Variants in WDR27 observed in about 807,000 individuals in gnomAD.
WDR27 encodes the protein WD repeat domain 27.
A neutral mutation model predicts 114.4 loss-of-function variants in WDR27; 100 were observed. That is an observed-to-expected ratio of 0.87 (90% CI 0.74 to 1.03). The LOEUF (loss-of-function observed/expected upper bound fraction) is 1.03. Among genes scored for constraint, WDR27 ranks in the 50% least tolerant of loss-of-function variants. WDR27 has a pLI of 0.00. For missense variants in WDR27, 1,129 were observed against 1,092.9 expected, an observed-to-expected ratio of 1.03 and a Z score of -0.47; for synonymous variants, 449 against 423.1, an observed-to-expected ratio of 1.06 and a Z score of -0.75.
intron 24 of WDR27, among the ~76,000 whole-genome samples, chr6:169,577,519 G>A (rs1000966140): frequency 6.6e-6 from 1 of 152,020 alleles, no homozygotes; most frequent in African/African-American, 2.4e-5. Flanking sequence ...ACACGTGGAG[G>A]ACGGGCGGGG....
rs555096053 is a variant in WDR27 at position 169,544,502 on chromosome 6, C to T, written c.2645+27917G>A. On this transcript the variant is annotated intron_variant, in intron 25 of 25. Coordinates refer to ENST00000448612, the MANE Select transcript of WDR27 (RefSeq NM_182552.5). The stretch of plus-strand genomic sequence containing the variant: ...CACCCAGGCTGGAGTGTAGTGGCGC[C>T]ATCTTGGCTCACTGCAACCTCCACC... 1.3e-5 allele frequency among the ~76,000 whole-genome samples: 2 copies of T among 151,280 alleles called. 1 individual carries two copies. Among genetic ancestry groups the T allele is most frequent in the Non-Finnish European group, 2.9e-5 (2 of 67,852 alleles).
the WDR27 span, among the ~76,000 whole-genome samples, chr6:169,448,539 C>T: frequency 6.6e-5 from 10 of 152,120 alleles, no homozygotes; most frequent in African/African-American, 2.2e-4. Context: ...CACAGAAGCC[C>T]GAAATAGCTG....
intron 1 of WDR27, among the ~76,000 whole-genome samples, chr6:169,690,796 G>A (rs940355665): frequency 6.6e-6 from 1 of 152,300 alleles, no homozygotes; most frequent in East Asian, 1.9e-4. Flanking sequence ...AGGTGTGACC[G>A]TTCAGTACCA....
Position 169,684,360 on chromosome 6 carries a change from A to G in WDR27, c.189+4457T>C, listed in dbSNP as rs937554644. Among the ~76,000 whole-genome samples the G allele has an allele frequency of 6.6e-5, 10 of 152,104 alleles. No individual in the cohort carries two copies. The highest frequency in any genetic ancestry group is 6.5e-5 in the Admixed American group (1 of 15,282). On this transcript the variant is annotated intron_variant, in intron 2 of 25. Transcript: ENST00000448612. The surrounding 1 kb of genome is among the most constrained non-coding windows in gnomAD (Gnocchi z 4.3). ...CCTATGGCACCCCTGCCCCAAGAAG[A>G]AATACTTCTGGGCTGCCCAATGTCC...
chr6:169,545,542 C>T (rs750186281), intron 25 of WDR27, among the ~76,000 whole-genome samples: 3 of 152,126 alleles, frequency 2.0e-5, no homozygotes, highest in Middle Eastern at 3.4e-3. Flanking sequence ...ATTAGTGCAG[C>T]GTGGTGGTGC....
intron 23 of WDR27, among the ~76,000 whole-genome samples, chr6:169,591,606 T>C (rs1290876980): frequency 6.6e-6 from 1 of 152,204 alleles, no homozygotes; most frequent in Non-Finnish European, 1.5e-5. Context: ...TTTTTAGCTA[T>C]AGCTTTTTGG....
At chr6:169,446,059 A>G in the WDR27 span, among the ~76,000 whole-genome samples, 1 of 152,280 alleles carries the variant, frequency 6.6e-6, no homozygotes, top group Non-Finnish European at 1.5e-5. Flanking sequence ...TCTGAAGGCC[A>G]AAGAACTGGT....
chr6:169,543,516 CATA>C (rs1158473441), intron 25 of WDR27, among the ~76,000 whole-genome samples: 1 of 151,954 alleles, frequency 6.6e-6, no homozygotes, highest in Non-Finnish European at 1.5e-5. Flanking sequence ...TATTTAAATT[CATA>C]ATAATAAATC....
chr6:169,495,552 G>C (rs149380431), intron 25 of WDR27, among the ~76,000 whole-genome samples: 20 of 150,618 alleles, frequency 1.3e-4, no homozygotes, highest in African/African-American at 4.9e-4. Context: ...GCTTTAGCCA[G>C]GTGGATTAAG....
intron 25 of WDR27, among the ~76,000 whole-genome samples, chr6:169,472,027 T>C (rs1403848119): frequency 6.6e-6 from 1 of 152,168 alleles, no homozygotes; most frequent in Non-Finnish European, 1.5e-5. Context: ...TACTATCACA[T>C]TGGGTATTAG....
chr6:169,452,989 C>T (rs574832104), downstream of WDR27, among the ~76,000 whole-genome samples: 1 of 152,338 alleles, frequency 6.6e-6, no homozygotes, highest in South Asian at 2.1e-4. Context: ...CCTCCCCAGC[C>T]TCCCTGGTCT....
chr6:169,444,450 T>C, the WDR27 span, among the ~76,000 whole-genome samples: 1 of 152,202 alleles, frequency 6.6e-6, no homozygotes, highest in South Asian at 2.1e-4. Context: ...ATGGGTCTCT[T>C]TGGGATCCTT....
chr6:169,592,225 A>G (rs1437993146), intron 23 of WDR27, among the ~76,000 whole-genome samples: 1 of 152,140 alleles, frequency 6.6e-6, no homozygotes, highest in African/African-American at 2.4e-5. Context: ...GTACAGCTAC[A>G]GAAAAACCTA....
At chr6:169,490,404 G>A (rs1583742651) in intron 25 of WDR27, among the ~76,000 whole-genome samples, 1 of 152,342 alleles carries the variant, frequency 6.6e-6, no homozygotes, top group East Asian at 1.9e-4. Context: ...AACAATGCAA[G>A]TACAACATCA....
the WDR27 span, among the ~76,000 whole-genome samples, chr6:169,450,264 C>A: frequency 6.6e-6 from 1 of 151,934 alleles, no homozygotes; most frequent in African/African-American, 2.4e-5. Flanking sequence ...GAGGCTGCAG[C>A]CCCAGGCAGC....
intron 24 of WDR27, among the ~76,000 whole-genome samples, chr6:169,576,247 TG>T (rs1241441143): frequency 6.6e-6 from 1 of 152,114 alleles, no homozygotes; most frequent in Non-Finnish European, 1.5e-5. Flanking sequence ...CTGGGCCTCA[TG>T]GTGGGCATGA....
intron 25 of WDR27, among the ~76,000 whole-genome samples, chr6:169,468,366 A>G (rs186368012): frequency 6.6e-6 from 1 of 152,336 alleles, no homozygotes; most frequent in East Asian, 1.9e-4. Context: ...ACAGTTCTGC[A>G]GTGCTGGGGA....
At chr6:169,515,120 T>C (rs1432610092) in intron 25 of WDR27, among the ~76,000 whole-genome samples, 1 of 152,108 alleles carries the variant, frequency 6.6e-6, no homozygotes, top group Non-Finnish European at 1.5e-5. Flanking sequence ...GTCTTTAAAT[T>C]AGTACAACTT....
chr6:169,473,643 G>A (rs1786735878), intron 25 of WDR27, among the ~76,000 whole-genome samples: 2 of 151,962 alleles, frequency 1.3e-5, no homozygotes, highest in Admixed American at 6.6e-5. Flanking sequence ...ATGGTTATTA[G>A]AATGTCTAAA....
Sources: allele counts gnomAD v4.1 joint callset (sites outside exome capture counted in the v4.1 genomes callset), GRCh38; gene constraint gnomAD v4.1.1; non-coding constraint Gnocchi (gnomAD v3.1); transcripts MANE v1.5; gene names NCBI Gene and HGNC (gene_info 2026-07-23, HGNC 2026-07-21).